The following STPG2 variants were observed in gnomAD, a reference collection of about 807,000 sequenced individuals.
STPG2 encodes the protein sperm-tail PG-rich repeat-containing protein 2.
Under a neutral mutation model 54.2 loss-of-function variants are expected in STPG2, and 56 were observed. The ratio of observed to expected loss-of-function variants is 1.03; its 90% confidence interval spans 0.83 to 1.29. STPG2 has a LOEUF of 1.29. Ranked by LOEUF, STPG2 falls within the 50% of genes most tolerant of loss-of-function variation. STPG2 has a pLI of 0.00. For synonymous variants in STPG2, 200 were observed against 181.8 expected (o/e 1.10, Z -0.81); for missense variants, 596 against 544.9 (o/e 1.09, Z -0.93).
rs540582587 is a variant in STPG2 at position 97,630,090 on chromosome 4, ATTAAGT to A, written c.1321-70979_1321-70974del. On this transcript the variant is annotated intron_variant, in intron 10 of 10. Transcript: ENST00000295268. ...TGTGAGCAGCTTTCAGACAAAACTA[ATTAAGT>A]TTATCAGTGCAAAATAATAATGGGA... Among the ~76,000 whole-genome samples the A allele has an allele frequency of 3.4e-3, 524 of 152,082 alleles. 3 individuals are homozygous for A. Among genetic ancestry groups the A allele is most frequent in the South Asian group, 8.1e-3 (39 of 4,832 alleles).
chr4:98,025,869 C>A lies in STPG2; in HGVS notation c.613-44551G>T, dbSNP rs545729601. ...ACCACTGGCAATAAAGTTTTTGGCACCCTGAAGGGAGCTGTGGATGGAGGC... is the reference window on the plus strand; with the variant it reads ...ACCACTGGCAATAAAGTTTTTGGCAACCTGAAGGGAGCTGTGGATGGAGGC... On this transcript the variant is annotated intron_variant, in intron 5 of 10. Transcript: ENST00000295268. The A allele has an allele frequency of 3.1e-6, 5 of 1,598,362 alleles. No homozygotes were observed. In the Admixed American group the frequency reaches 5.0e-5, roughly 16 times the overall value.
intron 8 of STPG2, among the ~76,000 whole-genome samples, chr4:97,909,081 C>T (rs1383010022): frequency 6.7e-5 from 10 of 149,034 alleles, no homozygotes; most frequent in Admixed American, 6.7e-4. Context: ...CCCATCAAGC[C>T]CCAATAAACA....
At chr4:97,700,639 T>C (rs1723742904) in intron 10 of STPG2, among the ~76,000 whole-genome samples, 1 of 152,200 alleles carries the variant, frequency 6.6e-6, no homozygotes, top group Non-Finnish European at 1.5e-5. Context: ...CTAATCAAAA[T>C]AATGTCATCA....
chr4:97,632,221 T>G (rs115136408), intron 10 of STPG2, among the ~76,000 whole-genome samples: 2,621 of 151,614 alleles, frequency 0.017, 67 homozygotes, highest in African/African-American at 0.059. Context: ...AATATACAAG[T>G]AATAATAGAT....
chr4:97,541,878 C>T (rs955514210), intron 4 of STPG2, among the ~76,000 whole-genome samples: 2 of 152,138 alleles, frequency 1.3e-5, no homozygotes, highest in African/African-American at 2.4e-5. Context: ...GGAAAGGATT[C>T]CCTATTTAAC....
At chr4:97,786,324 T>C (rs147935454) in intron 9 of STPG2, among the ~76,000 whole-genome samples, 3 of 152,106 alleles carry the variant, frequency 2.0e-5, no homozygotes, top group African/African-American at 7.2e-5. Context: ...TTTACTTTCT[T>C]AATTTTTTTC....
intron 8 of STPG2, among the ~76,000 whole-genome samples, chr4:97,897,477 A>G (rs1731000713): frequency 6.6e-6 from 1 of 151,960 alleles, no homozygotes; most frequent in Admixed American, 6.6e-5. Context: ...TTGAAAAATC[A>G]CCACCCTGTC....
chr4:98,043,465 T>C lies in STPG2; in HGVS notation c.613-62147A>G, dbSNP rs192137952. 7.2e-5 allele frequency among the ~76,000 whole-genome samples: 11 copies of C among 152,216 alleles called. No homozygotes were observed. The East Asian group carries it at 2.1e-3, about 29-fold the overall frequency. The stretch of plus-strand genomic sequence containing the variant: ...TGTATTGACAGTTTGGATTACTTTA[T>C]CTGTTGTGTAACTTTTATAAGTATT... On this transcript the variant is annotated intron_variant, in intron 5 of 10. Transcript: ENST00000295268.
chr4:97,645,149 T>G (rs1412404931), intron 10 of STPG2, among the ~76,000 whole-genome samples: 1 of 151,996 alleles, frequency 6.6e-6, no homozygotes. Context: ...GTTGCCTTTT[T>G]ATGTAATCCA....
Position 98,119,103 on chromosome 4 carries a change from A to C in STPG2, c.387+9325T>G, listed in dbSNP as rs1381227842. 4.6e-5 allele frequency among the ~76,000 whole-genome samples: 7 copies of C among 152,282 alleles called. No homozygotes were observed. In the East Asian group the frequency reaches 1.3e-3, roughly 29 times the overall value. ...CTATTAAGTGAGAGTTTGATGAGAA[A>C]TAGGTAAGAGTTTGATGAGGAATGA... On this transcript the variant is annotated intron_variant, in intron 3 of 10. Transcript: ENST00000295268.
intron 7 of STPG2, among the ~76,000 whole-genome samples, chr4:97,950,329 A>G (rs1733419053): frequency 6.6e-6 from 1 of 152,054 alleles, no homozygotes; most frequent in African/African-American, 2.4e-5. Flanking sequence ...TGACTGGGTT[A>G]GCTTAAAAGC....
rs1362576045 is a variant in STPG2, at chr4:97,738,829, C to T, written c.1205-26015G>A. The stretch of plus-strand genomic sequence containing the variant: ...AAGACAGAAAGTCAACAAGGATACC[C>T]AGGAATTGAACTCAGCTCTGCACCA... On this transcript the variant is annotated intron_variant, in intron 9 of 10. Transcript: ENST00000295268. Among the ~76,000 whole-genome samples the T allele has an allele frequency of 2.6e-5, 4 of 152,196 alleles. No homozygotes were observed. In the East Asian group the frequency reaches 7.7e-4, roughly 29 times the overall value.
At chr4:97,895,174 T>C (rs1730911726) in intron 8 of STPG2, among the ~76,000 whole-genome samples, 1 of 151,800 alleles carries the variant, frequency 6.6e-6, no homozygotes, top group South Asian at 2.1e-4. Context: ...ATAATAATAA[T>C]AGAAGAAATC....
chr4:98,022,034 T>C (rs1282724498), intron 5 of STPG2, among the ~76,000 whole-genome samples: 2 of 151,890 alleles, frequency 1.3e-5, no homozygotes, highest in East Asian at 3.9e-4. Context: ...GTTAATATTG[T>C]TATGTGTGAA....
intron 5 of STPG2, among the ~76,000 whole-genome samples, chr4:98,019,542 A>G (rs990949475): frequency 4.0e-5 from 6 of 151,892 alleles, no homozygotes; most frequent in Admixed American, 3.9e-4. Flanking sequence ...AGTTTTTTCC[A>G]ATTCTGTGAA....
At chr4:98,122,229 A>G (rs1055235573) in intron 3 of STPG2, among the ~76,000 whole-genome samples, 5 of 152,142 alleles carry the variant, frequency 3.3e-5, no homozygotes, top group African/African-American at 1.2e-4. Flanking sequence ...AAAACTTCCA[A>G]TACTATGTTG....
intron 8 of STPG2, among the ~76,000 whole-genome samples, chr4:97,895,547 T>C (rs1016091667): frequency 6.6e-6 from 1 of 151,826 alleles, no homozygotes; most frequent in Non-Finnish European, 1.5e-5. Flanking sequence ...ATTCCCTTTT[T>C]TTTCCAATTT....
intron 9 of STPG2, among the ~76,000 whole-genome samples, chr4:97,781,163 T>C (rs1366781754): frequency 1.3e-5 from 2 of 151,924 alleles, no homozygotes. Flanking sequence ...TTTGAAAAGA[T>C]CAAGAAAATT....
intron 10 of STPG2, among the ~76,000 whole-genome samples, chr4:97,704,918 C>T (rs1459734901): frequency 6.6e-6 from 1 of 151,774 alleles, no homozygotes; most frequent in Non-Finnish European, 1.5e-5. Context: ...TTTATCATTC[C>T]TTATAAGAAA....
Sources: allele counts gnomAD v4.1 joint callset (sites outside exome capture counted in the v4.1 genomes callset), GRCh38; gene constraint gnomAD v4.1.1; transcripts MANE v1.5; gene names NCBI Gene and HGNC (gene_info 2026-07-23, HGNC 2026-07-21).